Variants in PPP2R3B observed in about 807,000 individuals in gnomAD.
The protein encoded by PPP2R3B is protein phosphatase 2 regulatory subunit B''beta.
PPP2R3B carries 68 observed loss-of-function variants against 72.9 expected under a neutral mutation model. The ratio of observed to expected loss-of-function variants is 0.93; its 90% CI spans 0.77 to 1.14. The LOEUF (loss-of-function observed/expected upper bound fraction) is 1.14. Ranked by LOEUF, PPP2R3B falls within the 50% of genes most tolerant of loss-of-function variation. The pLI, the probability that PPP2R3B is intolerant of heterozygous loss-of-function variation, is 0.00. For missense variants in PPP2R3B, 1,018 were observed against 842.0 expected (o/e 1.21, Z -2.59); for synonymous variants, 466 against 375.8 (o/e 1.24, Z -2.78).
chrX:385,320 CTTTTTTTTTTTTTTTTTTT>C (rs1178231888), intron 1 of PPP2R3B, among the ~76,000 whole-genome samples: 1 of 75,604 alleles, frequency 1.3e-5, no homozygotes, highest in Non-Finnish European at 2.5e-5. Flanking sequence ...TTTTAGTTTT[CTTTTTTTTTTTTTTTTTTT>C]TTTTTTTGAG....
At chrX:364,754 A>G (rs768361898) in intron 1 of PPP2R3B, among the ~76,000 whole-genome samples, 50 of 73,278 alleles carry the variant, frequency 6.8e-4, no homozygotes, top group Non-Finnish European at 7.8e-4. Flanking sequence ...GTGGTGGCGC[A>G]TGCCTGTACT....
intron 1 of PPP2R3B, among the ~76,000 whole-genome samples, chrX:367,452 G>A (rs1012688230): frequency 5.3e-5 from 8 of 151,400 alleles, no homozygotes; most frequent in Non-Finnish European, 1.0e-4. Context: ...TTATAGAGAC[G>A]GGGTCTCGCT....
intron 2 of PPP2R3B, among the ~76,000 whole-genome samples, chrX:360,841 C>A (rs1436545536): frequency 6.6e-6 from 1 of 152,228 alleles, no homozygotes; most frequent in African/African-American, 2.4e-5. Context: ...TGAGTGTGCT[C>A]CATCTGTGGG....
intron 1 of PPP2R3B, among the ~76,000 whole-genome samples, chrX:374,377 C>A (rs1440313332): frequency 6.6e-6 from 1 of 152,236 alleles, no homozygotes; most frequent in African/African-American, 2.4e-5. Context: ...CAAAGCGCGC[C>A]GGCATCTCCG....
intron 2 of PPP2R3B, among the ~76,000 whole-genome samples, chrX:352,340 C>T (rs1320072256): frequency 1.3e-5 from 2 of 152,268 alleles, no homozygotes; most frequent in African/African-American, 4.8e-5. Context: ...GGGAACGAGG[C>T]CGCCAGCCCT....
At chrX:351,610 G>A (rs1258087497) in intron 2 of PPP2R3B, among the ~76,000 whole-genome samples, 4 of 118,524 alleles carry the variant, frequency 3.4e-5, no homozygotes, top group Admixed American at 8.6e-5. Context: ...TGATCACAGC[G>A]TGATCCATTT....
chrX:369,237 G>T (rs139186239), intron 1 of PPP2R3B, among the ~76,000 whole-genome samples: 1 of 152,170 alleles, frequency 6.6e-6, no homozygotes, highest in Non-Finnish European at 1.5e-5. Context: ...AAAGCCAGCC[G>T]CCTGTTCATT....
At chrX:379,726 T>G (rs2072083499) in intron 1 of PPP2R3B, among the ~76,000 whole-genome samples, 1 of 152,248 alleles carries the variant, frequency 6.6e-6, no homozygotes, top group African/African-American at 2.4e-5. Flanking sequence ...AAGTCCTTTG[T>G]TTGTGGATTG....
At chrX:363,509 C>CAA (rs2071598653) in intron 1 of PPP2R3B, among the ~76,000 whole-genome samples, 1 of 90,234 alleles carries the variant, frequency 1.1e-5, no homozygotes, top group Non-Finnish European at 2.2e-5. Context: ...TGCATCTCCC[C>CAA]GAGCCCGCGA....
rs751089881 is a variant in PPP2R3B, at chrX:334,135, C to T, written c.*232G>A. ...GGAACGGCAAGCGCCAGAGGGTGTC[C>T]GTGTGGGAACCCGTCCCATTCACGC... On this transcript the variant is annotated 3_prime_UTR_variant, in exon 13 of 13. Transcript: ENST00000390665. The T allele has an allele frequency of 2.5e-4, 105 of 421,158 alleles. 1 individual carries two copies. Among genetic ancestry groups the T allele is most frequent in the East Asian group, 1.5e-3 (36 of 24,392 alleles). The allele number at this position is 421,158 out of a possible 1,614,324, so 26.1% of individuals were successfully genotyped here.
At chrX:368,099 C>G (rs1332220952) in intron 1 of PPP2R3B, among the ~76,000 whole-genome samples, 1 of 152,120 alleles carries the variant, frequency 6.6e-6, no homozygotes, top group African/African-American at 2.4e-5. Context: ...GGAGCCCACC[C>G]ACCCCGGGCA....
intron 12 of PPP2R3B, 89 bp downstream of exon 12, chrX:338,515 C>T: frequency 1.6e-6 from 2 of 1,257,210 alleles, no homozygotes; most frequent in Non-Finnish European, 2.2e-6. Context: ...CCCGGCTGCA[C>T]ACACACCCGT....
At chrX:359,892 T>C (rs1310284590) in intron 2 of PPP2R3B, 1 of 501,042 alleles carries the variant, frequency 2.0e-6, no homozygotes, top group Non-Finnish European at 3.9e-6. Context: ...CTTACCTGAA[T>C]GTGTCTAGTT....
chrX:344,854 C>T (rs2071162658), intron 7 of PPP2R3B: 2 of 311,234 alleles, frequency 6.4e-6, no homozygotes, highest in Non-Finnish European at 6.3e-6. Context: ...GGGAACCAGG[C>T]GTATTATGAG....
chrX:367,287 A>G (rs958796296), intron 1 of PPP2R3B, among the ~76,000 whole-genome samples: 12 of 152,158 alleles, frequency 7.9e-5, no homozygotes, highest in African/African-American at 2.9e-4. Context: ...AATCAGTGAA[A>G]ACAACGTATG....
chrX:348,179 C>T (rs924313502), intron 2 of PPP2R3B, among the ~76,000 whole-genome samples: 7 of 152,084 alleles, frequency 4.6e-5, no homozygotes, highest in Admixed American at 1.3e-4. Context: ...ACACTTCTAC[C>T]CCAAAGGAAC....
intron 2 of PPP2R3B, among the ~76,000 whole-genome samples, chrX:354,953 T>A (rs2071408403): frequency 6.6e-6 from 1 of 152,184 alleles, no homozygotes; most frequent in South Asian, 2.1e-4. Context: ...ACGGACGACT[T>A]GAGCCCGAGG....
intron 2 of PPP2R3B, among the ~76,000 whole-genome samples, chrX:359,170 C>T (rs987151237): frequency 1.3e-5 from 2 of 152,244 alleles, no homozygotes; most frequent in African/African-American, 2.4e-5. Flanking sequence ...GGGCGCACTC[C>T]GCGAGGGTGA....
chrX:383,161 G>C (rs928217758), intron 1 of PPP2R3B, among the ~76,000 whole-genome samples: 1 of 152,138 alleles, frequency 6.6e-6, no homozygotes, highest in Non-Finnish European at 1.5e-5. Flanking sequence ...TCATCGACAC[G>C]TACTTTTGGA....
Sources: allele counts gnomAD v4.1 joint callset (sites outside exome capture counted in the v4.1 genomes callset), GRCh38; gene constraint gnomAD v4.1.1; transcripts MANE v1.5; gene names NCBI Gene and HGNC (gene_info 2026-07-23, HGNC 2026-07-21).